HPSE2: variants seen among roughly 807,000 people sequenced by gnomAD.
HPSE2 encodes the protein inactive heparanase-2.
Under a neutral mutation model 60.5 loss-of-function variants are expected in HPSE2, and 38 were observed. The ratio of observed to expected loss-of-function variants is 0.63; its 90% CI spans 0.48 to 0.82. The LOEUF is 0.82. HPSE2 is among the 40% of genes least tolerant of loss of function. The probability of loss-of-function intolerance (pLI) is 0.00; values close to 1 mark genes in which losing one functional copy is unlikely to be tolerated. For missense variants in HPSE2, 713 were observed against 740.4 expected (o/e 0.96, Z 0.43); for synonymous variants, 295 against 293.2 (o/e 1.01, Z -0.06).
At chr10:98,803,234 T>A (rs1259510158) in intron 3 of HPSE2, among the ~76,000 whole-genome samples, 1 of 150,642 alleles carries the variant, frequency 6.6e-6, no homozygotes, top group Non-Finnish European at 1.5e-5. Context: ...CTTTGTCAGA[T>A]GAGTAGGTTG....
At chr10:99,297,620 A>G in the HPSE2 span, among the ~76,000 whole-genome samples, 1 of 152,050 alleles carries the variant, frequency 6.6e-6, no homozygotes, top group Non-Finnish European at 1.5e-5. Context: ...CTTTCTGTTA[A>G]TTGTGTGTGG....
intron 3 of HPSE2, among the ~76,000 whole-genome samples, chr10:99,043,158 A>G (rs1957779097): frequency 6.6e-6 from 1 of 152,150 alleles, no homozygotes. Flanking sequence ...CCTTCCCTCC[A>G]AATAAGTTCA....
chr10:99,112,415 G>GTTTTGTTT lies in HPSE2; in HGVS notation c.610+31822_610+31823insAAACAAAA, dbSNP rs1564816573. ...CCACCATGCCCGGCTTTTTTTTGTT[G>GTTTTGTTT]TGTTTTGTTTTGTTTTGTTTTGTTT... On this transcript the variant is annotated intron_variant, in intron 3 of 11. Transcript: ENST00000370552. 4.2e-3 allele frequency among the ~76,000 whole-genome samples: 569 copies of GTTTTGTTT among 136,008 alleles called. 3 individuals carry two copies. The highest frequency in any genetic ancestry group is 0.014 in the African/African-American group (526 of 37,434). The allele number at this position is 136,008 out of a possible 152,430, so 89.2% of individuals were successfully genotyped here. A position where few individuals can be genotyped will look rare whatever the true frequency, so the allele number is the denominator to read the frequency against.
At chr10:98,724,546 G>A (rs946909394) in intron 4 of HPSE2, among the ~76,000 whole-genome samples, 5 of 152,140 alleles carry the variant, frequency 3.3e-5, no homozygotes, top group Admixed American at 6.6e-5. Flanking sequence ...TCGTTGATCT[G>A]TCTAATGTTG....
chr10:98,700,172 G>C (rs539725378), intron 5 of HPSE2, among the ~76,000 whole-genome samples: 1 of 152,036 alleles, frequency 6.6e-6, no homozygotes, highest in East Asian at 1.9e-4. Context: ...CCAAAAAAGA[G>C]CCTGCATCAC....
chr10:98,525,197 G>C (rs1942926130), intron 9 of HPSE2, among the ~76,000 whole-genome samples: 1 of 152,306 alleles, frequency 6.6e-6, no homozygotes, highest in African/African-American at 2.4e-5. Flanking sequence ...TTTTAGTAGA[G>C]ACGGGGTTTC....
At chr10:99,304,067 G>A in the HPSE2 span, among the ~76,000 whole-genome samples, 1 of 152,134 alleles carries the variant, frequency 6.6e-6, no homozygotes, top group Admixed American at 6.5e-5. Flanking sequence ...ACAGAAGATG[G>A]ACCTCTGCCC....
intron 9 of HPSE2, among the ~76,000 whole-genome samples, chr10:98,519,099 C>T (rs1174355170): frequency 1.3e-5 from 2 of 152,204 alleles, no homozygotes; most frequent in East Asian, 1.9e-4. Context: ...ATGTATGTGC[C>T]AGAAAGTCTC....
At chr10:98,632,044 T>G (rs1324587586) in intron 7 of HPSE2, among the ~76,000 whole-genome samples, 1 of 152,074 alleles carries the variant, frequency 6.6e-6, no homozygotes, top group African/African-American at 2.4e-5. Flanking sequence ...ATATAAATAT[T>G]ACATGGGTTA....
upstream of HPSE2, among the ~76,000 whole-genome samples, chr10:99,240,677 G>A (rs1849921029): frequency 6.6e-6 from 1 of 152,158 alleles, no homozygotes; most frequent in Non-Finnish European, 1.5e-5. Context: ...TTCCAAAAGT[G>A]CTGAGATTAC....
intron 3 of HPSE2, among the ~76,000 whole-genome samples, chr10:98,776,396 G>A (rs1342478376): frequency 1.3e-5 from 2 of 152,060 alleles, no homozygotes; most frequent in South Asian, 2.1e-4. Context: ...GCAGTAAGCC[G>A]AGATCACGCC....
At chr10:99,087,824 T>C (rs1359078505) in intron 3 of HPSE2, among the ~76,000 whole-genome samples, 3 of 152,144 alleles carry the variant, frequency 2.0e-5, no homozygotes, top group South Asian at 2.1e-4. Context: ...GGTCTAAATA[T>C]GGCAATACAG....
chr10:99,251,201 A>G, the HPSE2 span, among the ~76,000 whole-genome samples: 1 of 152,226 alleles, frequency 6.6e-6, no homozygotes, highest in Non-Finnish European at 1.5e-5. Context: ...ATCCTCAGAG[A>G]CTATTATGAA....
At chr10:99,258,931 C>A in the HPSE2 span, among the ~76,000 whole-genome samples, 14 of 152,194 alleles carry the variant, frequency 9.2e-5, no homozygotes, top group Non-Finnish European at 1.9e-4. Flanking sequence ...CATAGAAGTT[C>A]TTTATGACTT....
intron 2 of HPSE2, among the ~76,000 whole-genome samples, chr10:99,155,989 A>G (rs1157260967): frequency 2.0e-5 from 3 of 151,510 alleles, no homozygotes; most frequent in Admixed American, 6.6e-5. Context: ...CAAATAAACT[A>G]GAAAATCTAG....
chr10:99,137,757 C>T (rs1277736715), intron 3 of HPSE2, among the ~76,000 whole-genome samples: 1 of 152,176 alleles, frequency 6.6e-6, no homozygotes, highest in Non-Finnish European at 1.5e-5. Context: ...GGAACAAATA[C>T]TTAAATGTAA....
chr10:98,994,579 T>G (rs570133256), intron 3 of HPSE2, among the ~76,000 whole-genome samples: 1 of 152,358 alleles, frequency 6.6e-6, no homozygotes, highest in South Asian at 2.1e-4. Context: ...TAGATATGCA[T>G]AGTAAAGCCC....
At chr10:98,940,418 A>G (rs1476849392) in intron 3 of HPSE2, among the ~76,000 whole-genome samples, 93 of 140,154 alleles carry the variant, frequency 6.6e-4, no homozygotes, top group African/African-American at 1.7e-3. Context: ...CCGATCCCAC[A>G]GAAATACAAA....
intron 3 of HPSE2, among the ~76,000 whole-genome samples, chr10:99,119,091 G>A (rs1215102768): frequency 1.5e-5 from 2 of 130,156 alleles, no homozygotes; most frequent in Non-Finnish European, 3.3e-5. Context: ...GAAAGAAAGA[G>A]AGAGAGAGGG....
Sources: allele counts gnomAD v4.1 joint callset (sites outside exome capture counted in the v4.1 genomes callset), GRCh38; gene constraint gnomAD v4.1.1; transcripts MANE v1.5; gene names NCBI Gene and HGNC (gene_info 2026-07-23, HGNC 2026-07-21).